The following MVK variants were observed in gnomAD, a reference collection of about 807,000 sequenced individuals.
MVK encodes the protein LH receptor mRNA-binding protein.
A neutral mutation model predicts 43.2 loss-of-function variants in MVK; 34 were observed. The observed-to-expected ratio is 0.79, with a 90% CI of 0.60 to 1.05. The LOEUF is 1.05. MVK is among the 50% of genes least tolerant of loss of function. The pLI is 0.00. For missense variants in MVK, 395 were observed against 504.0 expected (o/e 0.78, Z 2.07); for synonymous variants, 190 against 219.8 (o/e 0.86, Z 1.20).
intron 9 of MVK, among the ~76,000 whole-genome samples, chr12:109,594,760 C>CTG (rs1885840697): frequency 6.6e-6 from 1 of 152,244 alleles, no homozygotes; most frequent in Non-Finnish European, 1.5e-5. Context: ...CCTGATCAGT[C>CTG]ACCAGTGCCA....
intron 9 of MVK, 96 bp from the exon 10 acceptor site, chr12:109,594,932 C>T: frequency 1.3e-6 from 2 of 1,527,124 alleles, no homozygotes; most frequent in South Asian, 1.1e-5. Context: ...TGTCTCCAGC[C>T]AACAACTGTC....
chr12:109,597,796 G>A lies in MVK; in HGVS notation c.*1219G>A, dbSNP rs1024151733. ...TCTGGGACCCACGGACCTGCAAAGA[G>A]GCCGAGTGGAAAGGTGGGGGCCGGC... On this transcript the variant is annotated 3_prime_UTR_variant, in exon 11 of 11. Coordinates refer to ENST00000228510, the MANE Select transcript of MVK (RefSeq NM_000431.4). The A allele has an allele frequency of 2.6e-5, 4 of 152,246 alleles. No homozygotes were observed. The highest frequency in any genetic ancestry group is 2.0e-4 in the Admixed American group (3 of 15,284). 9.4% of individuals were successfully genotyped at this position (152,246 alleles called of 1,614,324 possible).
rs200712491 is a variant in MVK, at chr12:109,581,501, G to C, written c.478G>C (p.Val160Leu). The change falls in exon 5 of 11, where the codon GTG (valine) becomes CTG (leucine). Residue 160 changes from valine (V) to leucine (L), a missense_variant. Transcript: ENST00000228510. ...SVCLAAALLTVCEEIPNPLKD... is the reference protein window; with the variant it reads ...SVCLAAALLTLCEEIPNPLKD... ...GTGTCTGGCAGCAGCCCTCCTGACT[G>C]TGTGCGAGGAGATCCCAAACCCGCT... 3 of 1,614,222 alleles carry C rather than the reference G, an allele frequency of 1.9e-6. No individual in the cohort carries two copies. Among genetic ancestry groups the C allele is most frequent in the Non-Finnish European group, 2.5e-6 (3 of 1,180,026 alleles).
chr12:109,591,132 T>A, intron 8 of MVK, 109 bp from the exon 9 acceptor site: 2 of 1,127,540 alleles, frequency 1.8e-6, no homozygotes, highest in South Asian at 1.2e-5. Flanking sequence ...CCCCAGAGGA[T>A]GGGCACGGGC....
intron 3 of MVK, among the ~76,000 whole-genome samples, chr12:109,576,642 G>A (rs546018011): frequency 8.5e-4 from 129 of 152,214 alleles, no homozygotes; most frequent in African/African-American, 2.9e-3. Flanking sequence ...AGGCCAAGGC[G>A]GGCGGATCAT....
chr12:109,586,684 A>C (rs557202733), intron 6 of MVK, 70 bp from the exon 7 acceptor site: 4 of 1,571,866 alleles, frequency 2.5e-6, no homozygotes, highest in East Asian at 2.2e-5. Context: ...CCAAAGTTCA[A>C]CCTCTCTCCC....
At chr12:109,593,357 C>G (rs1401213181) in intron 9 of MVK, among the ~76,000 whole-genome samples, 1 of 152,224 alleles carries the variant, frequency 6.6e-6, no homozygotes, top group Admixed American at 6.5e-5. Context: ...ACCGGCCATC[C>G]CCATGCGGGA....
At chr12:109,573,450 C>G, upstream of MVK, 1 of 1,607,970 alleles carries the variant, frequency 6.2e-7, no homozygotes, top group Non-Finnish European at 8.5e-7. Flanking sequence ...CTCCCCAGGC[C>G]AAGACGGCTC....
At chr12:109,596,374 T>C in intron 10 of MVK, 52 bp from the exon 11 acceptor site, 1 of 1,588,236 alleles carries the variant, frequency 6.3e-7, no homozygotes, top group Non-Finnish European at 8.5e-7. Context: ...ATGATGAGCT[T>C]CTCCCACGGA....
chr12:109,576,051 C>T lies in MVK; in HGVS notation c.132C>T (p.His44=), dbSNP rs916712126. 3 of 1,614,100 alleles carry T rather than the reference C, an allele frequency of 1.9e-6. No individual in the cohort carries two copies. The highest frequency in any genetic ancestry group is 2.7e-5 in the African/African-American group (2 of 74,938). ...NLRTFLRLQP[H]SNGKVDLSLP... is the part of the protein sequence containing the mutation. ...GAACATTCCTCCGGCTTCAACCCCA[C>T]AGCAATGGGAAAGTGGACCTCAGCT... Residue 44 remains histidine, a synonymous_variant, in exon 3 of 11, where the codon CAC becomes CAT. Coordinates refer to ENST00000228510, the MANE Select transcript of MVK (RefSeq NM_000431.4).
At chr12:109,586,931 C>A in intron 7 of MVK, 132 bp downstream of exon 7, 2 of 1,056,544 alleles carry the variant, frequency 1.9e-6, no homozygotes, top group Non-Finnish European at 2.8e-6. Flanking sequence ...GTGGCCCTCA[C>A]AGTGCACTAG....
At chr12:109,573,517 T>C (rs1410406928), upstream of MVK, 8 of 1,576,514 alleles carry the variant, frequency 5.1e-6, no homozygotes, top group Non-Finnish European at 6.0e-6. Flanking sequence ...CCCCGCCAGG[T>C]TCCCGTCCAG....
chr12:109,593,642 T>G (rs912622924), intron 9 of MVK, among the ~76,000 whole-genome samples: 1 of 151,644 alleles, frequency 6.6e-6, no homozygotes, highest in Non-Finnish European at 1.5e-5. Flanking sequence ...CCCATAAAAA[T>G]ACTAACAGCA....
chr12:109,593,565 G>A (rs1458363479), intron 9 of MVK, among the ~76,000 whole-genome samples: 3 of 152,186 alleles, frequency 2.0e-5, no homozygotes, highest in African/African-American at 7.2e-5. Flanking sequence ...CTCAGTGATC[G>A]TGGGCAAGTC....
chr12:109,573,557 C>T (rs1884759666), upstream of MVK: 3 of 1,504,056 alleles, frequency 2.0e-6, no homozygotes, highest in East Asian at 7.2e-5. Context: ...CACAGCTGGC[C>T]GCGCCACCGC....
chr12:109,585,597 G>A (rs1363450970), intron 5 of MVK, among the ~76,000 whole-genome samples: 3 of 152,168 alleles, frequency 2.0e-5, no homozygotes, highest in Middle Eastern at 3.4e-3. Context: ...GTGAAACCCC[G>A]TCTCTACTAA....
intron 1 of MVK, among the ~76,000 whole-genome samples, chr12:109,574,155 G>A (rs1316510529): frequency 6.6e-6 from 1 of 152,174 alleles, no homozygotes; most frequent in African/African-American, 2.4e-5. Flanking sequence ...CTTAAGCGGA[G>A]GATAATTTTG....
Position 109,595,284 on chromosome 12 carries a change from A to G in MVK, c.1039+103A>G. On this transcript the variant is annotated intron_variant, in intron 10 of 10. Transcript: ENST00000228510. The surrounding 1 kb of genome is among the most constrained non-coding windows in gnomAD (Gnocchi z 5.9). ...AAAAAGAGACCTGGAAACAGGTCTC[A>G]GCTCCGCTGTGTGGCCTTGGGCAAG... is the stretch of plus-strand genomic sequence containing the variant. 1 of 1,454,310 alleles carries G rather than the reference A, an allele frequency of 6.9e-7. No homozygotes were observed. Among genetic ancestry groups the G allele is most frequent in the Admixed American group, 2.0e-5 (1 of 48,926 alleles). 90.1% of individuals were successfully genotyped at this position (1,454,310 alleles called of 1,614,324 possible). A position where few individuals can be genotyped will look rare whatever the true frequency, so the allele number is the denominator to read the frequency against.
intron 9 of MVK, among the ~76,000 whole-genome samples, chr12:109,594,527 C>G (rs1885828303): frequency 6.6e-6 from 1 of 152,236 alleles, no homozygotes; most frequent in Non-Finnish European, 1.5e-5. Context: ...TGGCTCTCAA[C>G]TGAGAAGACC....
Sources: allele counts gnomAD v4.1 joint callset (sites outside exome capture counted in the v4.1 genomes callset), GRCh38; gene constraint gnomAD v4.1.1; non-coding constraint Gnocchi (gnomAD v3.1); transcripts MANE v1.5; gene names NCBI Gene and HGNC (gene_info 2026-07-23, HGNC 2026-07-21).